Variants in PNLIPRP1 observed in about 807,000 individuals in gnomAD.
PNLIPRP1 encodes the protein pancreatic lipase related protein 1.
PNLIPRP1 carries 57 observed loss-of-function variants against 54.6 expected under a neutral mutation model. That is an observed-to-expected ratio of 1.04 (90% CI 0.84 to 1.30). The LOEUF (loss-of-function observed/expected upper bound fraction) is 1.30. Among genes scored for constraint, PNLIPRP1 ranks in the 50% most tolerant of loss-of-function variants. The probability of loss-of-function intolerance (pLI) is 0.00; values close to 1 mark genes in which losing one functional copy is unlikely to be tolerated. For synonymous variants in PNLIPRP1, 232 were observed against 208.8 expected (o/e 1.11, Z -0.96); for missense variants, 567 against 568.5 (o/e 1.00, Z 0.03).
chr10:116,595,953 A>G, intron 5 of PNLIPRP1: 2 of 351,906 alleles, frequency 5.7e-6, no homozygotes, highest in South Asian at 8.3e-5. Context: ...CAACAAGAAG[A>G]GAAGAACAAA....
chr10:116,592,815 C>T (rs1248509670), intron 4 of PNLIPRP1: 2 of 471,694 alleles, frequency 4.2e-6, no homozygotes, highest in Non-Finnish European at 8.0e-6. Flanking sequence ...AGTGAGGGTA[C>T]TTTGTATCCT....
At chr10:116,598,432 G>A (rs576687822) in intron 8 of PNLIPRP1, among the ~76,000 whole-genome samples, 5 of 152,132 alleles carry the variant, frequency 3.3e-5, no homozygotes, top group Non-Finnish European at 7.3e-5. Context: ...TTAAAGCTGT[G>A]ACTCCAGCAA....
chr10:116,591,205 G>A (rs782733875), intron 2 of PNLIPRP1, 27 bp downstream of exon 2: 6 of 1,598,074 alleles, frequency 3.8e-6, no homozygotes, highest in Middle Eastern at 1.7e-4. Flanking sequence ...CTGCCCCGTA[G>A]GAAGGGCTTA....
chr10:116,592,945 A>C (rs1554863454), intron 4 of PNLIPRP1: 1 of 340,596 alleles, frequency 2.9e-6, no homozygotes, highest in African/African-American at 2.2e-5. Flanking sequence ...AGGTGGATGG[A>C]TCACCTGAGG....
intron 2 of PNLIPRP1, among the ~76,000 whole-genome samples, 164 bp downstream of exon 2, chr10:116,591,342 G>A (rs1181503240): frequency 6.6e-6 from 1 of 152,184 alleles, no homozygotes; most frequent in Non-Finnish European, 1.5e-5. Flanking sequence ...CAGTTTAAGG[G>A]AGACCTGTTT....
In PNLIPRP1 at chr10:116,604,681, C is replaced by CTTTTT. The variant is rs1234478269; in HGVS notation, c.1172+563_1172+567dup. Among the ~76,000 whole-genome samples the CTTTTT allele has an allele frequency of 1.6e-3, 150 of 94,140 alleles. 2 individuals carry two copies. Among genetic ancestry groups the CTTTTT allele is most frequent in the Non-Finnish European group, 2.1e-3 (103 of 49,494 alleles). The allele number at this position is 94,140 out of a possible 152,430, so 61.8% of individuals were successfully genotyped here. On this transcript the variant is annotated intron_variant, in intron 11 of 12. Coordinates refer to ENST00000358834, the MANE Select transcript of PNLIPRP1 (RefSeq NM_006229.4). ...CCTAGGCATTTCGTCCTTTCTCTCT[C>CTTTTT]TTTTTTTTTTTTTTTTTTTTTTTTG...
intron 4 of PNLIPRP1, 33 bp downstream of exon 4, chr10:116,592,574 G>A (rs1554863384): frequency 1.2e-6 from 2 of 1,613,318 alleles, no homozygotes; most frequent in South Asian, 1.1e-5. Context: ...GTGGCCAGCT[G>A]AGGCCAACAC....
Position 116,594,590 on chromosome 10 carries a change from C to T in PNLIPRP1, c.331-140C>T, listed in dbSNP as rs1847700589. 12 of 890,540 alleles carry T rather than the reference C, an allele frequency of 1.3e-5. No individual in the cohort carries two copies. In the Admixed American group the frequency reaches 2.5e-4, roughly 19 times the overall value. The allele number at this position is 890,540 out of a possible 1,614,324, so 55.2% of individuals were successfully genotyped here. The stretch of plus-strand genomic sequence containing the variant: ...ACCCTGAAGGATAACTCCTAATTAC[C>T]AACAGGATTCCCTAACAGAGTCTAG... On this transcript the variant is annotated intron_variant, in intron 4 of 12. Transcript: ENST00000358834.
intron 6 of PNLIPRP1, among the ~76,000 whole-genome samples, chr10:116,597,063 A>C (rs1486264589): frequency 1.3e-5 from 2 of 152,170 alleles, no homozygotes; most frequent in African/African-American, 4.8e-5. Flanking sequence ...GGTTTTGCCG[A>C]TGTTTGGCTT....
At chr10:116,607,020 T>TTAATAATAA (rs55946265) in intron 12 of PNLIPRP1, among the ~76,000 whole-genome samples, 3,458 of 147,124 alleles carry the variant, frequency 0.024, 68 homozygotes, top group African/African-American at 0.056. Flanking sequence ...CCAGTAACAT[T>TTAATAATAA]TAATAATAAT....
rs189007111 is a variant in PNLIPRP1, at chr10:116,604,679, C to G, written c.1172+541C>G. 1.4e-3 allele frequency among the ~76,000 whole-genome samples: 198 copies of G among 137,086 alleles called. 1 individual carries two copies. Among genetic ancestry groups the G allele is most frequent in the Middle Eastern group, 4.0e-3 (1 of 250 alleles). 89.9% of individuals were successfully genotyped at this position (137,086 alleles called of 152,430 possible). On this transcript the variant is annotated intron_variant, in intron 11 of 12. Transcript: ENST00000358834. ...AACCTAGGCATTTCGTCCTTTCTCT[C>G]TCTTTTTTTTTTTTTTTTTTTTTTT...
chr10:116,600,257 C>T, intron 9 of PNLIPRP1, 92 bp downstream of exon 9: 4 of 818,188 alleles, frequency 4.9e-6, no homozygotes, highest in Non-Finnish European at 8.5e-6. Flanking sequence ...CTTCTCACTA[C>T]ACGTTTTGCA....
At chr10:116,597,627 C>T (rs7906926) in intron 6 of PNLIPRP1, among the ~76,000 whole-genome samples, 44,415 of 152,120 alleles carry the variant, frequency 0.29, 7,060 homozygotes, top group East Asian at 0.39. Flanking sequence ...CCTCCATCCA[C>T]GCCACTGGGA....
rs542992062 is a variant in PNLIPRP1 at position 116,597,353 on chromosome 10, A to ACCT, written c.575-474_575-472dup. On this transcript the variant is annotated intron_variant, in intron 6 of 12. Coordinates refer to ENST00000358834, the MANE Select transcript of PNLIPRP1 (RefSeq NM_006229.4). Reference sequence around the variant, plus strand: ...ATCACCCCATTTTGTAAAATGAAGAACCTGAAGCACAAAAAGGTAGAGTGA... The same window carrying ACCT: ...ATCACCCCATTTTGTAAAATGAAGAACCTCCTGAAGCACAAAAAGGTAGAGTGA... Among the ~76,000 whole-genome samples, 204 of 152,294 alleles carry ACCT rather than the reference A, an allele frequency of 1.3e-3. 1 individual carries two copies. The highest frequency in any genetic ancestry group is 4.7e-3 in the African/African-American group (196 of 41,540).
intron 12 of PNLIPRP1, among the ~76,000 whole-genome samples, chr10:116,605,809 T>C (rs1343228673): frequency 6.6e-6 from 1 of 152,044 alleles, no homozygotes; most frequent in Non-Finnish European, 1.5e-5. Flanking sequence ...AATGAGAAAA[T>C]ACAAGAAAGA....
In PNLIPRP1 at chr10:116,594,428, G is replaced by A. The variant is rs902078425; in HGVS notation, c.331-302G>A. Reference sequence around the variant, plus strand: ...CTAAGACTTTTCCTTTTCAAAACAGGACTCTTTTCATGATGCAATTGTTTT... The same window carrying A: ...CTAAGACTTTTCCTTTTCAAAACAGAACTCTTTTCATGATGCAATTGTTTT... On this transcript the variant is annotated intron_variant, in intron 4 of 12. Transcript: ENST00000358834. 43 of 513,140 alleles carry A rather than the reference G, an allele frequency of 8.4e-5. 2 individuals are homozygous for A. The highest frequency in any genetic ancestry group is 6.8e-4 in the South Asian group (42 of 62,212). 31.8% of individuals were successfully genotyped at this position (513,140 alleles called of 1,614,324 possible).
Position 116,591,842 on chromosome 10 carries a change from C to T in PNLIPRP1, c.121C>T (p.Pro41Ser), listed in dbSNP as rs782577549. The T allele has an allele frequency of 7.4e-6, 12 of 1,614,218 alleles. No homozygotes were observed. Among genetic ancestry groups the T allele is most frequent in the Admixed American group, 5.0e-5 (3 of 60,026 alleles). The part of the protein sequence containing the change: ...TEPWGGTAIR[P>S]LKILPWSPEK... The stretch of plus-strand genomic sequence containing the variant: ...GCCCTGGGGCGGGACAGCAATCAGG[C>T]CCCTGAAAATTCTCCCCTGGAGCCC... Residue 41 changes from proline to serine, a missense_variant, in exon 3 of 13, where the codon CCC becomes TCC. By Grantham distance (74) the Pro-to-Ser change is moderately conservative. Coordinates refer to ENST00000358834, the MANE Select transcript of PNLIPRP1 (RefSeq NM_006229.4).
intron 10 of PNLIPRP1, among the ~76,000 whole-genome samples, chr10:116,602,357 T>A (rs7075101): frequency 0.28 from 42,788 of 152,128 alleles, 6,150 homozygotes; most frequent in East Asian, 0.46. Flanking sequence ...CATTGATTAA[T>A]CAATCCTTCC....
At chr10:116,603,366 A>G (rs1847882395) in intron 10 of PNLIPRP1, among the ~76,000 whole-genome samples, 1 of 152,208 alleles carries the variant, frequency 6.6e-6, no homozygotes, top group South Asian at 2.1e-4. Flanking sequence ...ACTTTCTGCA[A>G]TGAGGGGCAT....
Sources: allele counts gnomAD v4.1 joint callset (sites outside exome capture counted in the v4.1 genomes callset), GRCh38; gene constraint gnomAD v4.1.1; transcripts MANE v1.5; gene names NCBI Gene and HGNC (gene_info 2026-07-23, HGNC 2026-07-21).